Variants in MDGA2 observed in about 807,000 individuals in gnomAD.
MDGA2 encodes MAM domain-containing glycosylphosphatidylinositol anchor protein 2.
MDGA2 carries 40 observed loss-of-function variants against 117.8 expected under a neutral mutation model. The ratio of observed to expected loss-of-function variants is 0.34; its 90% CI spans 0.26 to 0.44. The LOEUF (loss-of-function observed/expected upper bound fraction) is 0.44, where lower values mean the gene tolerates loss of function less well. Ranked by LOEUF, MDGA2 falls within the 20% of genes least tolerant of loss-of-function variation. The probability of loss-of-function intolerance (pLI) is 1.00; values close to 1 mark genes in which losing one functional copy is unlikely to be tolerated. For synonymous variants in MDGA2, 452 were observed against 439.0 expected (o/e 1.03, Z -0.37); for missense variants, 1,123 against 1,250.6 (o/e 0.90, Z 1.54).
At chr14:47,249,990 G>A (rs1211072382) in intron 2 of MDGA2, among the ~76,000 whole-genome samples, 3 of 152,180 alleles carry the variant, frequency 2.0e-5, no homozygotes, top group Non-Finnish European at 4.4e-5. Flanking sequence ...TATTATGATT[G>A]TATCCAGAAG....
At chr14:47,349,431 G>C (rs1484123072) in intron 1 of MDGA2, among the ~76,000 whole-genome samples, 1 of 152,134 alleles carries the variant, frequency 6.6e-6, no homozygotes, top group Admixed American at 6.5e-5. Context: ...TTATAGTTAA[G>C]ATAAAATGTT....
At chr14:47,672,852 C>A (rs908191167) in intron 1 of MDGA2, among the ~76,000 whole-genome samples, 2 of 152,058 alleles carry the variant, frequency 1.3e-5, no homozygotes, top group Admixed American at 1.3e-4. Context: ...CCAGGATAGT[C>A]ACAAGAGCAC....
chr14:47,568,835 A>T (rs1895965597), intron 1 of MDGA2, among the ~76,000 whole-genome samples: 1 of 151,098 alleles, frequency 6.6e-6, no homozygotes, highest in African/African-American at 2.4e-5. Flanking sequence ...TGTACTTCCA[A>T]TTTTTTTTTA....
At chr14:47,334,338 T>C (rs1434325597) in intron 1 of MDGA2, among the ~76,000 whole-genome samples, 1 of 151,950 alleles carries the variant, frequency 6.6e-6, no homozygotes, top group African/African-American at 2.4e-5. Flanking sequence ...GCATTTTCAG[T>C]GGATCATGTC....
chr14:47,028,329 T>A (rs2138618735), intron 8 of MDGA2, among the ~76,000 whole-genome samples: 1 of 152,266 alleles, frequency 6.6e-6, no homozygotes, highest in East Asian at 1.9e-4. Context: ...AACCAAAGGC[T>A]GTTAGAATCA....
At chr14:47,469,126 A>C (rs1038994799) in intron 1 of MDGA2, among the ~76,000 whole-genome samples, 1 of 152,148 alleles carries the variant, frequency 6.6e-6, no homozygotes, top group African/African-American at 2.4e-5. Context: ...ATTTTGGATT[A>C]GATTTGGAAA....
chr14:46,968,914 AT>A (rs1566551435), intron 8 of MDGA2, among the ~76,000 whole-genome samples: 3 of 152,266 alleles, frequency 2.0e-5, no homozygotes, highest in Middle Eastern at 6.8e-3. Flanking sequence ...AAACAAAAAA[AT>A]CAGTAGTGTT....
At chr14:47,653,585 C>T (rs1242476359) in intron 1 of MDGA2, among the ~76,000 whole-genome samples, 1 of 152,126 alleles carries the variant, frequency 6.6e-6, no homozygotes, top group East Asian at 1.9e-4. Flanking sequence ...AAGAAGTTCA[C>T]ATCCTAATTC....
At chr14:46,999,762 A>G (rs529394976) in intron 8 of MDGA2, among the ~76,000 whole-genome samples, 11 of 152,212 alleles carry the variant, frequency 7.2e-5, no homozygotes, top group South Asian at 2.1e-4. Context: ...CTTTGTGGGT[A>G]TCAAACTTCA....
intron 7 of MDGA2, among the ~76,000 whole-genome samples, chr14:47,043,179 A>T (rs571824081): frequency 6.6e-6 from 1 of 152,220 alleles, no homozygotes; most frequent in African/African-American, 2.4e-5. Context: ...TGACAAAAAA[A>T]ATCCAACATG....
intron 1 of MDGA2, among the ~76,000 whole-genome samples, chr14:47,607,313 C>A (rs56355789): frequency 6.6e-6 from 1 of 152,098 alleles, no homozygotes; most frequent in Non-Finnish European, 1.5e-5. Flanking sequence ...ATTTCAATTT[C>A]ATTTATAGTT....
chr14:47,500,992 T>C (rs1894387551), intron 1 of MDGA2, among the ~76,000 whole-genome samples: 1 of 152,156 alleles, frequency 6.6e-6, no homozygotes, highest in South Asian at 2.1e-4. Flanking sequence ...AGATTACATA[T>C]TAATGTATAT....
chr14:47,328,332 A>C (rs1890201081), intron 1 of MDGA2, among the ~76,000 whole-genome samples: 1 of 152,082 alleles, frequency 6.6e-6, no homozygotes, highest in Non-Finnish European at 1.5e-5. Context: ...ATTTCTACTA[A>C]CTCAGGGAAA....
intron 3 of MDGA2, among the ~76,000 whole-genome samples, chr14:47,162,514 CT>C (rs1395838316): frequency 6.6e-6 from 1 of 151,866 alleles, no homozygotes; most frequent in East Asian, 1.9e-4. Context: ...AAAATGTGTC[CT>C]TTTTTGCTTT....
intron 6 of MDGA2, among the ~76,000 whole-genome samples, chr14:47,079,724 C>G (rs1252145697): frequency 1.6e-5 from 1 of 62,946 alleles, no homozygotes; most frequent in South Asian, 5.4e-4. Context: ...CGATTTTCTA[C>G]TAATTTTTTT....
intron 1 of MDGA2, among the ~76,000 whole-genome samples, chr14:47,585,249 T>C (rs1283693685): frequency 6.6e-6 from 1 of 151,852 alleles, no homozygotes; most frequent in Non-Finnish European, 1.5e-5. Flanking sequence ...TAAAATAGGA[T>C]GGCTGCCTTT....
chr14:47,491,355 G>A (rs1057081890), intron 1 of MDGA2, among the ~76,000 whole-genome samples: 5 of 152,120 alleles, frequency 3.3e-5, no homozygotes, highest in Admixed American at 6.6e-5. Context: ...AGATTTTGCC[G>A]TAAAACCACA....
intron 6 of MDGA2, among the ~76,000 whole-genome samples, chr14:47,087,312 C>T (rs1004745892): frequency 6.6e-5 from 10 of 151,384 alleles, no homozygotes; most frequent in African/African-American, 1.7e-4. Flanking sequence ...ATCAGGTGTT[C>T]GAGACCAGCC....
At chr14:47,351,226 C>T (rs931371837) in intron 1 of MDGA2, among the ~76,000 whole-genome samples, 1 of 151,940 alleles carries the variant, frequency 6.6e-6, no homozygotes, top group Non-Finnish European at 1.5e-5. Context: ...GGATTACAGG[C>T]GCCTGCCACC....
Sources: allele counts gnomAD v4.1 joint callset (sites outside exome capture counted in the v4.1 genomes callset), GRCh38; gene constraint gnomAD v4.1.1; transcripts MANE v1.5; gene names NCBI Gene and HGNC (gene_info 2026-07-23, HGNC 2026-07-21).